Variants in CD58 observed in about 807,000 individuals in gnomAD.
The protein encoded by CD58 is lymphocyte function-associated antigen 3.
In CD58, 14 loss-of-function variants were observed where a neutral mutation model predicts 27.6. The ratio of observed to expected loss-of-function variants is 0.51; its 90% CI spans 0.34 to 0.79. CD58 has a LOEUF of 0.79. CD58 is among the 30% of genes least tolerant of loss of function. The pLI is 0.02. For missense variants in CD58, 268 were observed against 301.7 expected (o/e 0.89, Z 0.83); for synonymous variants, 117 against 103.8 (o/e 1.13, Z -0.77).
chr1:116,518,994 C>T (rs1657179990), intron 5 of CD58: 13 of 1,062,494 alleles, frequency 1.2e-5, no homozygotes, highest in South Asian at 5.3e-5. Context: ...GTATGATACT[C>T]CTCCTGCAAG....
intron 2 of CD58, among the ~76,000 whole-genome samples, chr1:116,540,960 C>T (rs1175056434): frequency 6.6e-6 from 1 of 152,088 alleles, no homozygotes; most frequent in Non-Finnish European, 1.5e-5. Context: ...CAGGCATGCA[C>T]CACCATGCCT....
rs1658168508 is a variant in CD58 at position 116,546,341 on chromosome 1, C to T, written c.71-1737G>A. On this transcript the variant is annotated intron_variant, in intron 1 of 5. Coordinates refer to ENST00000369489, the MANE Select transcript of CD58 (RefSeq NM_001779.3). This position sits in a 1 kb window ranked among gnomAD's most constrained non-coding sequence, Gnocchi z 4.1. Reference sequence around the variant, plus strand: ...TGTGTTAGTAATTTCAGATAAGAAGCAAATATCACCCATTTGTTTATCTAC... The same window carrying T: ...TGTGTTAGTAATTTCAGATAAGAAGTAAATATCACCCATTTGTTTATCTAC... 6.6e-6 allele frequency among the ~76,000 whole-genome samples: 1 copy of T among 152,156 alleles called. No homozygotes were observed. The highest frequency in any genetic ancestry group is 1.5e-5 in the Non-Finnish European group (1 of 68,020).
intron 1 of CD58, among the ~76,000 whole-genome samples, chr1:116,545,198 C>G (rs1377714016): frequency 6.6e-6 from 1 of 152,166 alleles, no homozygotes; most frequent in Non-Finnish European, 1.5e-5. Context: ...GGGAACAAGA[C>G]AGACAAAGGC....
chr1:116,560,852 C>T (rs1009435262), intron 1 of CD58, among the ~76,000 whole-genome samples: 1 of 152,170 alleles, frequency 6.6e-6, no homozygotes, highest in Non-Finnish European at 1.5e-5. Context: ...TATATTCAAA[C>T]CTGAACTTAT....
chr1:116,531,322 C>A lies in CD58; in HGVS notation c.628+4643G>T, dbSNP rs1306714362. 6.6e-6 allele frequency among the ~76,000 whole-genome samples: 1 copy of A among 152,198 alleles called. No individual in the cohort carries two copies. The highest frequency in any genetic ancestry group is 1.5e-5 in the Non-Finnish European group (1 of 68,018). ...GATCTTACTCAGAAATTATTTCCTT[C>A]AAGTATTTTGTCTCTTGGAACACTT... On this transcript the variant is annotated intron_variant, in intron 3 of 5. Coordinates refer to ENST00000369489, the MANE Select transcript of CD58 (RefSeq NM_001779.3). This position sits in a 1 kb window ranked among gnomAD's most constrained non-coding sequence, Gnocchi z 4.5.
In CD58 at chr1:116,524,066, C is replaced by G. The variant is rs1222466819; in HGVS notation, c.629-2083G>C. ...TTCAGAGTGGCTCCTGAGTCCTGTT[C>G]GTACCATCATGTTAAGTCTTTTTGA... On this transcript the variant is annotated intron_variant, in intron 3 of 5. Transcript: ENST00000369489. The surrounding 1 kb of genome is among the most constrained non-coding windows in gnomAD (Gnocchi z 4.6). Among the ~76,000 whole-genome samples, 2 of 152,102 alleles carry G rather than the reference C, an allele frequency of 1.3e-5. No homozygotes were observed. Among genetic ancestry groups the G allele is most frequent in the Admixed American group, 1.3e-4 (2 of 15,276 alleles).
At chr1:116,520,510 T>C (rs1657232483) in intron 4 of CD58, among the ~76,000 whole-genome samples, 1 of 150,706 alleles carries the variant, frequency 6.6e-6, no homozygotes, top group South Asian at 2.1e-4. Flanking sequence ...TGAATGACTT[T>C]TTTTTTTTTT....
intron 1 of CD58, among the ~76,000 whole-genome samples, chr1:116,569,262 T>C (rs1002553383): frequency 1.3e-5 from 2 of 152,194 alleles, no homozygotes; most frequent in Non-Finnish European, 2.9e-5. Flanking sequence ...CCAGAGCTAT[T>C]TGGGCCCTGT....
At chr1:116,539,022 T>C (rs1657905513) in intron 2 of CD58, among the ~76,000 whole-genome samples, 1 of 152,226 alleles carries the variant, frequency 6.6e-6, no homozygotes, top group Non-Finnish European at 1.5e-5. Flanking sequence ...GTTACTTAAA[T>C]CACCTTGTGT....
At chr1:116,520,367 C>A (rs943423117) in intron 4 of CD58, among the ~76,000 whole-genome samples, 103 of 152,114 alleles carry the variant, frequency 6.8e-4, no homozygotes, top group African/African-American at 2.2e-3. Flanking sequence ...CACAACTCGA[C>A]CTCTCAATGT....
chr1:116,526,762 G>C (rs1571061764), intron 3 of CD58, among the ~76,000 whole-genome samples: 1 of 152,148 alleles, frequency 6.6e-6, no homozygotes, highest in Non-Finnish European at 1.5e-5. Context: ...TGAATTTATA[G>C]AGTAAATTGG....
intron 4 of CD58, among the ~76,000 whole-genome samples, chr1:116,520,126 TTTTG>T (rs973188878): frequency 1.3e-5 from 2 of 152,322 alleles, no homozygotes; most frequent in Non-Finnish European, 2.9e-5. Context: ...TGCTGAGTTT[TTTTG>T]TTTGTTTGTT....
At position 116,521,320 on chromosome 1, in the gene CD58, G is replaced by C. The variant is rs1657255143; in HGVS notation, c.706+586C>G. ...TATCCACTCTTCAGAATTACAGCCT[G>C]CTCCCTGTCCTTTGGGATTTGAGAG... On this transcript the variant is annotated intron_variant, in intron 4 of 5. Coordinates refer to ENST00000369489, the MANE Select transcript of CD58 (RefSeq NM_001779.3). This position sits in a 1 kb window ranked among gnomAD's most constrained non-coding sequence, Gnocchi z 5.6. Among the ~76,000 whole-genome samples the C allele has an allele frequency of 6.6e-6, 1 of 152,154 alleles. No individual in the cohort carries two copies. The highest frequency in any genetic ancestry group is 2.4e-5 in the African/African-American group (1 of 41,406).
chr1:116,527,244 C>G lies in CD58; in HGVS notation c.629-5261G>C, dbSNP rs567481006. ...AGGAGTGGTGAGAAGAACATTATTT[C>G]CTTATTCTTGGTCTTAGTTGGAAAG... On this transcript the variant is annotated intron_variant, in intron 3 of 5. Transcript: ENST00000369489. This position sits in a 1 kb window ranked among gnomAD's most constrained non-coding sequence, Gnocchi z 4.4. Among the ~76,000 whole-genome samples, 2 of 152,230 alleles carry G rather than the reference C, an allele frequency of 1.3e-5. No homozygotes were observed. Among genetic ancestry groups the G allele is most frequent in the Admixed American group, 6.5e-5 (1 of 15,296 alleles).
chr1:116,568,218 T>C (rs991076902), intron 1 of CD58, among the ~76,000 whole-genome samples: 66 of 152,292 alleles, frequency 4.3e-4, no homozygotes, highest in African/African-American at 1.6e-3. Flanking sequence ...CTGTGACTTG[T>C]TGGAGAATGC....
At position 116,541,999 on chromosome 1, in the gene CD58, C is replaced by G. The variant is rs1658001670; in HGVS notation, c.364+2312G>C. Among the ~76,000 whole-genome samples, 3 of 152,176 alleles carry G rather than the reference C, an allele frequency of 2.0e-5. No individual in the cohort carries two copies. ...CAGTGTGTTAGAAAGAAATGTGAAG[C>G]CAGGCACAGTGGCTCACACCTGTAA... On this transcript the variant is annotated intron_variant, in intron 2 of 5. Transcript: ENST00000369489. This position sits in a 1 kb window ranked among gnomAD's most constrained non-coding sequence, Gnocchi z 5.3.
chr1:116,548,071 C>T (rs1428731152), intron 1 of CD58, among the ~76,000 whole-genome samples: 2 of 152,188 alleles, frequency 1.3e-5, no homozygotes, highest in East Asian at 1.9e-4. Flanking sequence ...AGCATTTTTT[C>T]ATATGTTTGT....
At chr1:116,530,152 C>T (rs1657551297) in intron 3 of CD58, among the ~76,000 whole-genome samples, 1 of 151,310 alleles carries the variant, frequency 6.6e-6, no homozygotes, top group South Asian at 2.1e-4. Flanking sequence ...ATTCTATCTC[C>T]AATACTTAAG....
At chr1:116,556,875 G>C (rs907324188) in intron 1 of CD58, among the ~76,000 whole-genome samples, 6 of 152,176 alleles carry the variant, frequency 3.9e-5, no homozygotes, top group African/African-American at 1.2e-4. Flanking sequence ...AACAGGAGCT[G>C]TGCCTCAGCT....
Sources: allele counts gnomAD v4.1 joint callset (sites outside exome capture counted in the v4.1 genomes callset), GRCh38; gene constraint gnomAD v4.1.1; non-coding constraint Gnocchi (gnomAD v3.1); transcripts MANE v1.5; gene names NCBI Gene and HGNC (gene_info 2026-07-23, HGNC 2026-07-21).